The following CELF2 variants were observed in gnomAD, a reference collection of about 807,000 sequenced individuals.
CELF2 encodes CUGBP Elav-like family member 2, also known as CUG triplet repeat RNA-binding protein 2.
In CELF2, 8 loss-of-function variants were observed where a neutral mutation model predicts 62.6. That is an observed-to-expected ratio of 0.13 (90% CI 0.07 to 0.23). The LOEUF (loss-of-function observed/expected upper bound fraction) is 0.23. Among genes scored for constraint, CELF2 ranks in the 10% least tolerant of loss-of-function variants. The probability of loss-of-function intolerance (pLI) is 1.00; values close to 1 mark genes in which losing one functional copy is unlikely to be tolerated. For missense variants in CELF2, 333 were observed against 671.0 expected, an observed-to-expected ratio of 0.50 and a Z score of 5.56; for synonymous variants, 258 against 250.0, an observed-to-expected ratio of 1.03 and a Z score of -0.30.
chr10:10,975,711 G>A (rs113414617), intron 2 of CELF2, among the ~76,000 whole-genome samples: 1 of 152,358 alleles, frequency 6.6e-6, no homozygotes, highest in African/African-American at 2.4e-5. Flanking sequence ...TATGGTGGAA[G>A]GCAGATGCTG....
the CELF2 span, among the ~76,000 whole-genome samples, chr10:10,603,183 G>C: frequency 6.6e-6 from 1 of 151,860 alleles, no homozygotes; most frequent in Non-Finnish European, 1.5e-5. Flanking sequence ...ACCTGGTAGA[G>C]CTTTAATAGT....
chr10:10,535,022 G>A, the CELF2 span, among the ~76,000 whole-genome samples: 1 of 152,102 alleles, frequency 6.6e-6, no homozygotes, highest in South Asian at 2.1e-4. Context: ...CATTACATCA[G>A]CCTTAGTATA....
intron 4 of CELF2, among the ~76,000 whole-genome samples, chr10:11,250,286 A>G (rs2076759963): frequency 6.6e-6 from 1 of 152,210 alleles, no homozygotes; most frequent in African/African-American, 2.4e-5. Flanking sequence ...AGGCAGGAGG[A>G]TCCCTTGAGC....
intron 2 of CELF2, among the ~76,000 whole-genome samples, chr10:11,187,303 A>C (rs2075207846): frequency 6.6e-6 from 1 of 152,072 alleles, no homozygotes; most frequent in South Asian, 2.1e-4. Context: ...TTCTGGGATT[A>C]TCCTTTGATT....
chr10:10,481,213 C>G, the CELF2 span, among the ~76,000 whole-genome samples: 1 of 152,170 alleles, frequency 6.6e-6, no homozygotes, highest in Non-Finnish European at 1.5e-5. Flanking sequence ...TAATAAGTCA[C>G]TTGCCATCAT....
intron 1 of CELF2, among the ~76,000 whole-genome samples, chr10:10,817,905 G>A (rs2056617297): frequency 6.6e-6 from 1 of 152,108 alleles, no homozygotes; most frequent in African/African-American, 2.4e-5. Context: ...AGACTTTTGT[G>A]CAAAATAGAC....
chr10:11,181,219 T>C (rs1170498582), intron 2 of CELF2, among the ~76,000 whole-genome samples: 4 of 152,332 alleles, frequency 2.6e-5, no homozygotes, highest in Non-Finnish European at 2.9e-5. Flanking sequence ...TCCCCACTTT[T>C]AACCATGACA....
rs556302552 is a variant in CELF2 at position 11,301,893 on chromosome 10, C to T, written c.977-12246C>T. On this transcript the variant is annotated intron_variant, in intron 9 of 12. Coordinates refer to ENST00000633077, the MANE Select transcript of CELF2 (RefSeq NM_001326342.2). ...GGTGGAGTGCGAGGCCCTTGTCCAG[C>T]GCACTAGGGCCTGCACGTGGGCCTC... Among the ~76,000 whole-genome samples the T allele has an allele frequency of 9.2e-5, 14 of 152,242 alleles. No individual in the cohort carries two copies. The East Asian group carries it at 2.7e-3, about 30-fold the overall frequency.
At chr10:11,239,247 A>G (rs139687330) in intron 3 of CELF2, among the ~76,000 whole-genome samples, 134 of 152,138 alleles carry the variant, frequency 8.8e-4, no homozygotes, top group African/African-American at 3.0e-3. Context: ...TTGGTGTACG[A>G]CGTGATTTTA....
Position 11,223,407 on chromosome 10 carries a change from C to A in CELF2, c.354+5900C>A, listed in dbSNP as rs758444238. ...GTATTCTGCTGCGGAATGTGTCAGT[C>A]AGGACATCCATTTGGTGCAGATGCT... On this transcript the variant is annotated intron_variant, in intron 3 of 12. Coordinates refer to ENST00000633077, the MANE Select transcript of CELF2 (RefSeq NM_001326342.2). This position sits in a 1 kb window ranked among gnomAD's most constrained non-coding sequence, Gnocchi z 5.1. Among the ~76,000 whole-genome samples, 4 of 152,210 alleles carry A rather than the reference C, an allele frequency of 2.6e-5. No homozygotes were observed. Among genetic ancestry groups the A allele is most frequent in the Non-Finnish European group, 5.9e-5 (4 of 68,042 alleles).
At chr10:10,978,923 A>G (rs541106725) in intron 2 of CELF2, among the ~76,000 whole-genome samples, 32 of 152,312 alleles carry the variant, frequency 2.1e-4, no homozygotes, top group African/African-American at 7.0e-4. Flanking sequence ...ATAGCTAGAG[A>G]ATTTGGGCTC....
chr10:10,898,479 A>G (rs190551764), intron 1 of CELF2, among the ~76,000 whole-genome samples: 2 of 152,360 alleles, frequency 1.3e-5, no homozygotes, highest in East Asian at 3.9e-4. Context: ...CTCTATTAGT[A>G]GTAGACGAAG....
At chr10:10,852,747 C>T (rs1439121435) in intron 1 of CELF2, among the ~76,000 whole-genome samples, 3 of 152,210 alleles carry the variant, frequency 2.0e-5, no homozygotes, top group Non-Finnish European at 4.4e-5. Context: ...TCTGTGTTAT[C>T]TCCTTTAATT....
At chr10:10,954,777 A>G (rs1375000308) in intron 2 of CELF2, among the ~76,000 whole-genome samples, 2 of 152,264 alleles carry the variant, frequency 1.3e-5, no homozygotes, top group East Asian at 1.9e-4. Context: ...TCTGTAAAGT[A>G]AAAATAATGA....
intron 2 of CELF2, among the ~76,000 whole-genome samples, chr10:10,981,715 G>A (rs958556882): frequency 6.6e-6 from 1 of 152,140 alleles, no homozygotes; most frequent in African/African-American, 2.4e-5. Context: ...ATACAAGTAA[G>A]TAACATTTAT....
chr10:11,206,323 A>T lies in CELF2; in HGVS notation c.272-11102A>T, dbSNP rs571072681. Among the ~76,000 whole-genome samples, 3 of 152,322 alleles carry T rather than the reference A, an allele frequency of 2.0e-5. No homozygotes were observed. The East Asian group carries it at 5.8e-4, about 29-fold the overall frequency. On this transcript the variant is annotated intron_variant, in intron 2 of 12. Coordinates refer to ENST00000633077, the MANE Select transcript of CELF2 (RefSeq NM_001326342.2). Reference sequence around the variant, plus strand: ...TCGTAGGAAAATAGATGTGATTCTAACCTACCTCTCATTGCCACTAGCCTC... The same window carrying T: ...TCGTAGGAAAATAGATGTGATTCTATCCTACCTCTCATTGCCACTAGCCTC...
intron 2 of CELF2, among the ~76,000 whole-genome samples, chr10:10,940,350 T>C (rs1202838548): frequency 3.3e-5 from 5 of 152,222 alleles, no homozygotes; most frequent in Admixed American, 6.5e-5. Context: ...CAATGAATCA[T>C]TGAAGAACTG....
chr10:11,028,124 G>A (rs1313038061), intron 1 of CELF2, among the ~76,000 whole-genome samples: 1 of 152,194 alleles, frequency 6.6e-6, no homozygotes, highest in Non-Finnish European at 1.5e-5. Context: ...ACAACATCAT[G>A]AAGACTGATT....
In CELF2 at chr10:10,922,234, C is replaced by G. The variant is rs544816733; in HGVS notation, c.89+2235C>G. On this transcript the variant is annotated intron_variant, in intron 2 of 13. Transcript: ENST00000636488. ...TGCCAGTTTTCAGGGTTAAAACTGTCCGAGTGTTCTGGTTTGTGTCTCCCC... is the reference window on the plus strand; with the variant it reads ...TGCCAGTTTTCAGGGTTAAAACTGTGCGAGTGTTCTGGTTTGTGTCTCCCC... 4.6e-5 allele frequency among the ~76,000 whole-genome samples: 7 copies of G among 152,232 alleles called. No individual in the cohort carries two copies. In the South Asian group the frequency reaches 1.5e-3, roughly 32 times the overall value.
Sources: allele counts gnomAD v4.1 joint callset (sites outside exome capture counted in the v4.1 genomes callset), GRCh38; gene constraint gnomAD v4.1.1; non-coding constraint Gnocchi (gnomAD v3.1); transcripts MANE v1.5; gene names NCBI Gene and HGNC (gene_info 2026-07-23, HGNC 2026-07-21).